The following PCDHGB2 variants were observed in gnomAD, a reference collection of about 807,000 sequenced individuals.
PCDHGB2 encodes protocadherin gamma subfamily B, 2.
Under a neutral mutation model 59.3 loss-of-function variants are expected in PCDHGB2, and 55 were observed. The ratio of observed to expected loss-of-function variants is 0.93; its 90% CI spans 0.75 to 1.16. The LOEUF is 1.16. Among genes scored for constraint, PCDHGB2 ranks in the 50% most tolerant of loss-of-function variants. The pLI is 0.00. For synonymous variants in PCDHGB2, 516 were observed against 512.0 expected, an observed-to-expected ratio of 1.01 and a Z score of -0.11; for missense variants, 1,228 against 1,198.5, an observed-to-expected ratio of 1.02 and a Z score of -0.36.
At chr5:141,365,296 G>T in intron 1 of PCDHGB2, 1 of 1,614,002 alleles carries the variant, frequency 6.2e-7, no homozygotes, top group Non-Finnish European at 8.5e-7. Flanking sequence ...TGGTAGCTCA[G>T]GATGGAGGCG....
At position 141,360,002 on chromosome 5, in the gene PCDHGB2, A is replaced by G; in HGVS notation, c.-134A>G. On this transcript the variant is annotated 5_prime_UTR_variant, in exon 1 of 4. Transcript: ENST00000522605. ...TCTTAGAGGGGAACTTCCTGCACAA[A>G]CCAACCACACAGAGAAGGCCAGTAT... The G allele has an allele frequency of 8.5e-7, 1 of 1,173,940 alleles. No homozygotes were observed. The highest frequency in any genetic ancestry group is 1.1e-6 in the Non-Finnish European group (1 of 871,350). The allele number at this position is 1,173,940 out of a possible 1,614,324, so 72.7% of individuals were successfully genotyped here.
At chr5:141,455,558 G>A (rs1261373189) in intron 1 of PCDHGB2, among the ~76,000 whole-genome samples, 1 of 152,142 alleles carries the variant, frequency 6.6e-6, no homozygotes, top group East Asian at 1.9e-4. Flanking sequence ...CCGAGAAAAA[G>A]CTGGCCCTCC....
At chr5:141,391,213 C>T (rs1255778682) in intron 1 of PCDHGB2, 1 of 152,056 alleles carries the variant, frequency 6.6e-6, no homozygotes, top group African/African-American at 2.4e-5. Flanking sequence ...TACCAAGGAA[C>T]ATTATATGAG....
Position 141,361,363 on chromosome 5 carries a change from C to G in PCDHGB2, c.1228C>G (p.Leu410Val). Residue 410 changes from leucine (L) to valine (V), a missense_variant, in exon 1 of 4, where the codon CTG (leucine) becomes GTG (valine). By Grantham distance (32) the Leu-to-Val change is conservative. Transcript: ENST00000522605. ...TTACAAACTAGTGACAGACGGCGCT[C>G]TGGACCGGGAGGAGATCCCAGAATA... Reference protein sequence around the residue: ...NYYKLVTDGALDREEIPEYNL... With the variant: ...NYYKLVTDGAVDREEIPEYNL... The G allele has an allele frequency of 6.2e-7, 1 of 1,614,002 alleles. No individual in the cohort carries two copies. Among genetic ancestry groups the G allele is most frequent in the South Asian group, 1.1e-5 (1 of 91,088 alleles).
chr5:141,376,055 G>A lies in PCDHGB2; in HGVS notation c.2421+13499G>A, dbSNP rs746662537. On this transcript the variant is annotated intron_variant, in intron 1 of 3. Transcript: ENST00000522605. ...CGGCCAGCCCCCTCTCTCCGCCACTGTCACGCTCACCGTGGCCGTGGCCGA... is the reference window on the plus strand; with the variant it reads ...CGGCCAGCCCCCTCTCTCCGCCACTATCACGCTCACCGTGGCCGTGGCCGA... 4.3e-6 allele frequency: 7 copies of A among 1,613,232 alleles called. No homozygotes were observed. In the Admixed American group the frequency reaches 6.7e-5, roughly 15 times the overall value.
intron 1 of PCDHGB2, among the ~76,000 whole-genome samples, chr5:141,475,097 T>C (rs180692931): frequency 6.6e-6 from 1 of 152,370 alleles, no homozygotes; most frequent in East Asian, 1.9e-4. Context: ...TTTATAAAGA[T>C]CCTAGGTGGT....
intron 1 of PCDHGB2, among the ~76,000 whole-genome samples, chr5:141,455,204 T>G (rs1173402170): frequency 6.6e-6 from 1 of 152,052 alleles, no homozygotes; most frequent in Admixed American, 6.6e-5. Context: ...TTACAACCAA[T>G]AAGAGTTTTT....
chr5:141,415,519 A>G, intron 1 of PCDHGB2: 1 of 1,614,182 alleles, frequency 6.2e-7, no homozygotes, highest in Non-Finnish European at 8.5e-7. Context: ...TTATGCGGAC[A>G]CGCTCATCAG....
At chr5:141,369,327 T>G (rs1766164391) in intron 1 of PCDHGB2, among the ~76,000 whole-genome samples, 1 of 152,160 alleles carries the variant, frequency 6.6e-6, no homozygotes, top group African/African-American at 2.4e-5. Context: ...GAAGAAACAG[T>G]ACATTTCAGG....
intron 1 of PCDHGB2, among the ~76,000 whole-genome samples, chr5:141,447,640 G>A (rs184184100): frequency 6.6e-6 from 1 of 152,198 alleles, no homozygotes; most frequent in Admixed American, 6.5e-5. Flanking sequence ...TATGAATGAT[G>A]GTAGAATTTT....
chr5:141,408,488 T>C lies in PCDHGB2; in HGVS notation c.2421+45932T>C, dbSNP rs199936765. ...GAACCGAATAGACCGTGAGCAAATA[T>C]GCAAAGAGAGAAGAAGATGTGAGTT... On this transcript the variant is annotated intron_variant, in intron 1 of 3. Transcript: ENST00000522605. The C allele has an allele frequency of 8.1e-6, 13 of 1,613,894 alleles. No individual in the cohort carries two copies. The highest frequency in any genetic ancestry group is 4.0e-5 in the African/African-American group (3 of 74,922).
At chr5:141,364,988 C>A (rs1479313119) in intron 1 of PCDHGB2, 10 of 1,613,892 alleles carry the variant, frequency 6.2e-6, no homozygotes, top group East Asian at 4.5e-5. Context: ...TGGCGGAGAC[C>A]CGGTACTCTC....
chr5:141,397,012 A>C (rs944352237), intron 1 of PCDHGB2, among the ~76,000 whole-genome samples: 2 of 152,260 alleles, frequency 1.3e-5, no homozygotes, highest in African/African-American at 4.8e-5. Flanking sequence ...AATGGACTAA[A>C]GAAGGTTGAC....
intron 1 of PCDHGB2, chr5:141,410,439 G>A (rs775594110): frequency 3.1e-6 from 5 of 1,614,006 alleles, no homozygotes; most frequent in Admixed American, 3.3e-5. Context: ...TACAGTGAGG[G>A]GACTTTGCCT....
chr5:141,497,877 G>C (rs1057284578), intron 2 of PCDHGB2, among the ~76,000 whole-genome samples: 6 of 152,148 alleles, frequency 3.9e-5, no homozygotes, highest in Admixed American at 2.6e-4. Context: ...AGTGAAATAA[G>C]CGTTAGGATC....
chr5:141,435,922 G>A (rs1312886163), intron 1 of PCDHGB2, among the ~76,000 whole-genome samples: 1 of 152,070 alleles, frequency 6.6e-6, no homozygotes, highest in Non-Finnish European at 1.5e-5. Context: ...TCTAAAATGC[G>A]GCAGTTGCTG....
rs755732164 is a variant in PCDHGB2 at position 141,375,200 on chromosome 5, G to T, written c.2421+12644G>T. ...AGTAATCGCCCTTTTTCAAGTGTTC[G>T]ATCGAGACTCTGGCCTGAATGGCCT... On this transcript the variant is annotated intron_variant, in intron 1 of 3. Coordinates refer to ENST00000522605, the MANE Select transcript of PCDHGB2 (RefSeq NM_018923.3). 8.1e-6 allele frequency: 13 copies of T among 1,613,822 alleles called. No individual in the cohort carries two copies. Among genetic ancestry groups the T allele is most frequent in the East Asian group, 2.2e-5 (1 of 44,902 alleles).
At chr5:141,368,499 G>C (rs1391228187) in intron 1 of PCDHGB2, among the ~76,000 whole-genome samples, 2 of 152,070 alleles carry the variant, frequency 1.3e-5, no homozygotes, top group African/African-American at 2.4e-5. Context: ...TATACAGTAG[G>C]TGTCGACATT....
At chr5:141,416,033 C>T (rs770398549) in intron 1 of PCDHGB2, 22 of 202,600 alleles carry the variant, frequency 1.1e-4, no homozygotes, top group Non-Finnish European at 1.9e-4. Flanking sequence ...AAAGAAATCA[C>T]CTCTGGAAAC....
Sources: allele counts gnomAD v4.1 joint callset (sites outside exome capture counted in the v4.1 genomes callset), GRCh38; gene constraint gnomAD v4.1.1; transcripts MANE v1.5; gene names NCBI Gene and HGNC (gene_info 2026-07-23, HGNC 2026-07-21).